Variants in CLIP2 observed in about 807,000 individuals in gnomAD.
CLIP2 encodes CAP-Gly domain containing linker protein 2, also known as CAP-Gly domain-containing linker protein 2.
Under a neutral mutation model 111.7 loss-of-function variants are expected in CLIP2, and 41 were observed. That is an observed-to-expected ratio of 0.37 (90% CI 0.29 to 0.48). The LOEUF is 0.48. Among genes scored for constraint, CLIP2 ranks in the 20% least tolerant of loss-of-function variants. The pLI is 0.99. For missense variants in CLIP2, 1,160 were observed against 1,422.1 expected (o/e 0.82, Z 2.96); for synonymous variants, 660 against 644.2 (o/e 1.02, Z -0.37).
intron 6 of CLIP2, among the ~76,000 whole-genome samples, chr7:74,357,991 G>A (rs1790197683): frequency 1.3e-5 from 2 of 149,762 alleles, no homozygotes; most frequent in Admixed American, 6.7e-5. Flanking sequence ...TCCTGACCTC[G>A]TGATCCACCC....
At chr7:74,360,040 G>A (rs1028435820) in intron 6 of CLIP2, 135 bp from the exon 7 acceptor site, 36 of 655,306 alleles carry the variant, frequency 5.5e-5, no homozygotes, top group Admixed American at 4.6e-4. Context: ...GTGCATGCCC[G>A]GCAGGTGCCA....
At position 74,399,551 on chromosome 7, in the gene CLIP2, G is replaced by T. The variant is rs1368667639; in HGVS notation, c.2881-819G>T. ...AGACTCAGTCTTTTTTTGGGGGGGG[G>T]GGGGTGGGGACCAAGTCTCACTCTG... On this transcript the variant is annotated intron_variant, in intron 14 of 16. Coordinates refer to ENST00000223398, the MANE Select transcript of CLIP2 (RefSeq NM_003388.5). Among the ~76,000 whole-genome samples the T allele has an allele frequency of 2.4e-5, 3 of 124,016 alleles. 1 individual carries two copies. The highest frequency in any genetic ancestry group is 6.6e-4 in the East Asian group (2 of 3,032). The allele number at this position is 124,016 out of a possible 152,430, so 81.4% of individuals were successfully genotyped here. A position where few individuals can be genotyped will look rare whatever the true frequency, so the allele number is the denominator to read the frequency against.
chr7:74,363,241 A>T (rs1790383292), intron 7 of CLIP2, among the ~76,000 whole-genome samples: 1 of 152,110 alleles, frequency 6.6e-6, no homozygotes, highest in Non-Finnish European at 1.5e-5. Context: ...ACCTCAGGTG[A>T]TCCGCCCACC....
intron 2 of CLIP2, among the ~76,000 whole-genome samples, chr7:74,325,156 G>T (rs1310817214): frequency 6.6e-6 from 1 of 152,218 alleles, no homozygotes; most frequent in Non-Finnish European, 1.5e-5. Context: ...GCCTGGACTG[G>T]TGCCCTTGCT....
intron 2 of CLIP2, among the ~76,000 whole-genome samples, chr7:74,332,557 C>G (rs1474493430): frequency 3.3e-5 from 5 of 151,296 alleles, no homozygotes; most frequent in Non-Finnish European, 7.4e-5. Flanking sequence ...CCTGGCCTCC[C>G]AAAGAGCTGG....
intron 1 of CLIP2, among the ~76,000 whole-genome samples, chr7:74,298,532 T>G (rs1788236007): frequency 6.7e-6 from 1 of 150,360 alleles, no homozygotes; most frequent in Admixed American, 6.7e-5. Flanking sequence ...TATTTTATTT[T>G]ATTTTATTTT....
intron 1 of CLIP2, among the ~76,000 whole-genome samples, chr7:74,306,708 G>T (rs997364609): frequency 2.0e-5 from 3 of 152,154 alleles, no homozygotes; most frequent in Admixed American, 2.0e-4. Context: ...CCCCGCCCTC[G>T]CCTGTCCGTC....
Position 74,338,504 on chromosome 7 carries a change from G to A in CLIP2, c.178G>A (p.Ala60Thr), listed in dbSNP as rs765611884. The A allele has an allele frequency of 5.6e-5, 90 of 1,611,286 alleles. No individual in the cohort carries two copies. Among genetic ancestry groups the A allele is most frequent in the Non-Finnish European group, 7.5e-5 (88 of 1,179,364 alleles). ...GPSSSPAAAA[A>T]PEKPGPKAAE... Reference sequence around the variant, plus strand: ...CTCCTCCTCCCCGGCCGCAGCTGCTGCCCCCGAGAAGCCGGGCCCCAAGGC... The same window carrying A: ...CTCCTCCTCCCCGGCCGCAGCTGCTACCCCCGAGAAGCCGGGCCCCAAGGC... Residue 60 changes from alanine (A) to threonine (T), a missense_variant, in exon 3 of 17, where the codon GCC (alanine) becomes ACC (threonine). This residue lies in a region of CLIP2 where 301 missense variants were observed against 315.2 expected (regional missense o/e 0.96). Coordinates refer to ENST00000223398, the MANE Select transcript of CLIP2 (RefSeq NM_003388.5). The surrounding 1 kb of genome is among the most constrained non-coding windows in gnomAD (Gnocchi z 4.3).
chr7:74,377,737 A>G (rs577238002), intron 10 of CLIP2, among the ~76,000 whole-genome samples: 1 of 152,182 alleles, frequency 6.6e-6, no homozygotes, highest in Non-Finnish European at 1.5e-5. Flanking sequence ...GACAACAGGA[A>G]TTAATTCATA....
intron 2 of CLIP2, among the ~76,000 whole-genome samples, chr7:74,326,106 G>A (rs1212611808): frequency 6.6e-6 from 1 of 152,058 alleles, no homozygotes; most frequent in Non-Finnish European, 1.5e-5. Context: ...CGGGCGCGAC[G>A]GCACATGCCT....
intron 2 of CLIP2, among the ~76,000 whole-genome samples, chr7:74,324,930 C>T (rs1789070384): frequency 6.6e-6 from 1 of 152,060 alleles, no homozygotes; most frequent in East Asian, 1.9e-4. Flanking sequence ...ACCCATGCAA[C>T]TGTCCATCTG....
At chr7:74,345,080 T>G (rs1789766518) in intron 3 of CLIP2, among the ~76,000 whole-genome samples, 2 of 152,120 alleles carry the variant, frequency 1.3e-5, no homozygotes, top group Non-Finnish European at 2.9e-5. Context: ...ACCCGCCTCA[T>G]GGAAATGTCA....
chr7:74,349,447 A>AT (rs371185115), intron 3 of CLIP2, among the ~76,000 whole-genome samples: 42,005 of 75,332 alleles, frequency 0.56, 14,788 homozygotes, highest in Non-Finnish European at 0.72. Context: ...AAAAAAAAAA[A>AT]GTATGTATGT....
intron 8 of CLIP2, among the ~76,000 whole-genome samples, chr7:74,367,470 G>A (rs541304619): frequency 4.6e-5 from 7 of 152,294 alleles, no homozygotes; most frequent in Non-Finnish European, 8.8e-5. Flanking sequence ...GATAACAGGC[G>A]TGAGCCACCA....
At chr7:74,344,877 C>T (rs1229518598) in intron 3 of CLIP2, among the ~76,000 whole-genome samples, 3 of 152,146 alleles carry the variant, frequency 2.0e-5, no homozygotes, top group Admixed American at 6.6e-5. Context: ...CCCAGTCTCA[C>T]AGACGGGCCT....
chr7:74,376,638 C>A lies in CLIP2; in HGVS notation c.2237C>A (p.Ala746Glu). 1 of 1,613,384 alleles carries A rather than the reference C, an allele frequency of 6.2e-7. No individual in the cohort carries two copies. The highest frequency in any genetic ancestry group is 8.5e-7 in the Non-Finnish European group (1 of 1,179,892). ...CTGGACGTGGAGTACCGGGGCCAGG[C>A]GCAGGCTATCGAGTTCCTCAAGGAG... The part of the protein sequence containing the change: ...EKLDVEYRGQ[A>E]QAIEFLKEQI... The change falls in exon 10 of 17, where the codon GCG becomes GAG. Residue 746 changes from alanine to glutamate, a missense_variant. Physicochemically the swap from Ala to Glu is moderately radical, Grantham distance 107. Transcript: ENST00000223398. The surrounding 1 kb of genome is among the most constrained non-coding windows in gnomAD (Gnocchi z 7.1).
chr7:74,382,367 C>T (rs1419763002), intron 11 of CLIP2, among the ~76,000 whole-genome samples: 1 of 147,004 alleles, frequency 6.8e-6, no homozygotes, highest in Non-Finnish European at 1.5e-5. Context: ...TGCAGTGGCA[C>T]GATCTCAGCT....
At chr7:74,302,756 T>A (rs1398354237) in intron 1 of CLIP2, among the ~76,000 whole-genome samples, 1 of 152,186 alleles carries the variant, frequency 6.6e-6, no homozygotes, top group Admixed American at 6.5e-5. Flanking sequence ...TCCCTCCTGT[T>A]TGAAGCCACG....
chr7:74,299,584 C>T lies in CLIP2; in HGVS notation c.-68+9850C>T, dbSNP rs570335996. Among the ~76,000 whole-genome samples, 411 of 152,326 alleles carry T rather than the reference C, an allele frequency of 2.7e-3. 2 individuals carry two copies. Among genetic ancestry groups the T allele is most frequent in the Non-Finnish European group, 3.8e-3 (261 of 68,018 alleles). The stretch of plus-strand genomic sequence containing the variant: ...TCGCCTCTGGCTGGGGCCGCTTATG[C>T]CACTCAGGGACCAGGCCTGAACCTC... On this transcript the variant is annotated intron_variant, in intron 1 of 16. Transcript: ENST00000223398.
Sources: allele counts gnomAD v4.1 joint callset (sites outside exome capture counted in the v4.1 genomes callset), GRCh38; gene constraint gnomAD v4.1.1; regional missense constraint gnomAD v4.1.1; non-coding constraint Gnocchi (gnomAD v3.1); transcripts MANE v1.5; gene names NCBI Gene and HGNC (gene_info 2026-07-23, HGNC 2026-07-21).